IL1RAPL1: variants seen among roughly 807,000 people sequenced by gnomAD.
IL1RAPL1 encodes the protein interleukin 1 receptor accessory protein like 1, also known as interleukin-1 receptor accessory protein-like 1.
A neutral mutation model predicts 48.4 loss-of-function variants in IL1RAPL1; 3 were observed. The ratio of observed to expected loss-of-function variants is 0.06; its 90% confidence interval spans 0.03 to 0.16. The LOEUF (loss-of-function observed/expected upper bound fraction) is 0.16, where lower values mean the gene tolerates loss of function less well. Among genes scored for constraint, IL1RAPL1 ranks in the 10% least tolerant of loss-of-function variants. The probability of loss-of-function intolerance (pLI) is 1.00; values close to 1 mark genes in which losing one functional copy is unlikely to be tolerated. For missense variants in IL1RAPL1, 349 were observed against 530.6 expected (o/e 0.66, Z 3.36); for synonymous variants, 185 against 187.7 (o/e 0.99, Z 0.12).
intron 5 of IL1RAPL1, among the ~76,000 whole-genome samples, chrX:29,574,653 C>T (rs930125895): frequency 9.0e-6 from 1 of 111,493 alleles, no homozygotes. Flanking sequence ...CTTGAGTACT[C>T]CCCAGAAAAC....
At chrX:29,327,942 G>T (rs1006159489) in intron 3 of IL1RAPL1, among the ~76,000 whole-genome samples, 1 of 111,993 alleles carries the variant, frequency 8.9e-6, no homozygotes, top group Admixed American at 9.5e-5. Context: ...ATGAATGCTA[G>T]CTGTAGGCTA....
At chrX:29,088,983 G>A (rs1222518129) in intron 2 of IL1RAPL1, among the ~76,000 whole-genome samples, 2 of 111,441 alleles carry the variant, frequency 1.8e-5, no homozygotes, top group African/African-American at 6.5e-5. Flanking sequence ...AGAAAAAAAT[G>A]TTTCCTGGAG....
rs752258675 is a variant in IL1RAPL1, at chrX:28,947,503, T to G, written c.82+158078T>G. On this transcript the variant is annotated intron_variant, in intron 2 of 10. Coordinates refer to ENST00000378993, the MANE Select transcript of IL1RAPL1 (RefSeq NM_014271.4). ...TCACTCATAGGTGGGAATTGAACAA[T>G]GAGAACAGTTGGACACAGGAAGGGG... 1.7e-3 allele frequency among the ~76,000 whole-genome samples: 187 copies of G among 110,028 alleles called. 1 individual carries two copies. Among genetic ancestry groups the G allele is most frequent in the Middle Eastern group, 9.5e-3 (2 of 210 alleles).
intron 5 of IL1RAPL1, among the ~76,000 whole-genome samples, chrX:29,490,192 T>C (rs896720246): frequency 1.8e-5 from 2 of 110,366 alleles, no homozygotes; most frequent in Non-Finnish European, 3.8e-5. Flanking sequence ...ACATGGTCAA[T>C]ATATTAAAAT....
intron 1 of IL1RAPL1, among the ~76,000 whole-genome samples, chrX:28,780,355 G>GTC (rs1936409054): frequency 1.1e-5 from 1 of 92,213 alleles, no homozygotes. Flanking sequence ...GTGTGTGTGT[G>GTC]TGTGTGTGTG....
rs1329455728 is a variant in IL1RAPL1, at chrX:29,668,884, G to C, written c.778+380G>C. Among the ~76,000 whole-genome samples the C allele has an allele frequency of 9.0e-5, 10 of 110,799 alleles. No individual in the cohort carries two copies. In the South Asian group the frequency reaches 3.8e-3, roughly 42 times the overall value. Reference sequence around the variant, plus strand: ...GCAATTTCTGAAATTTAGGGGAAAGGGTTCAAATTTATTAAAATAAATGTC... The same window carrying C: ...GCAATTTCTGAAATTTAGGGGAAAGCGTTCAAATTTATTAAAATAAATGTC... On this transcript the variant is annotated intron_variant, in intron 6 of 10. Coordinates refer to ENST00000378993, the MANE Select transcript of IL1RAPL1 (RefSeq NM_014271.4).
chrX:28,994,342 T>C (rs923557788), intron 2 of IL1RAPL1, among the ~76,000 whole-genome samples: 1 of 111,552 alleles, frequency 9.0e-6, no homozygotes, highest in Admixed American at 9.6e-5. Context: ...TAGGAAGCTT[T>C]GTATGCTTAT....
In IL1RAPL1 at chrX:28,886,417, T is replaced by C. The variant is rs192012431; in HGVS notation, c.82+96992T>C. On this transcript the variant is annotated intron_variant, in intron 2 of 10. Coordinates refer to ENST00000378993, the MANE Select transcript of IL1RAPL1 (RefSeq NM_014271.4). ...AACCCTGTGTTCTTTGTGTAATTGA[T>C]GGAGGATTGGTCTGTAGAGAACAAC... 1.0e-4 allele frequency among the ~76,000 whole-genome samples: 11 copies of C among 109,565 alleles called. No homozygotes were observed. The East Asian group carries it at 2.9e-3, about 29-fold the overall frequency.
At chrX:29,373,935 TGGC>T (rs1224931273) in intron 3 of IL1RAPL1, among the ~76,000 whole-genome samples, 2 of 87,386 alleles carry the variant, frequency 2.3e-5, no homozygotes, top group African/African-American at 8.4e-5. Flanking sequence ...CTCAAACTCC[TGGC>T]CTCAGGCAGT....
chrX:29,413,186 G>A (rs999173849), intron 5 of IL1RAPL1, among the ~76,000 whole-genome samples: 21 of 111,096 alleles, frequency 1.9e-4, no homozygotes, highest in African/African-American at 6.9e-4. Context: ...GTAAGGCACC[G>A]CTTTGCTCTT....
intron 5 of IL1RAPL1, among the ~76,000 whole-genome samples, chrX:29,502,866 A>G (rs975788241): frequency 3.6e-5 from 4 of 111,729 alleles, no homozygotes; most frequent in Non-Finnish European, 7.5e-5. Context: ...GAAGAATGTA[A>G]ATAGAATTAG....
intron 6 of IL1RAPL1, among the ~76,000 whole-genome samples, chrX:29,911,672 C>A (rs898913423): frequency 8.9e-6 from 1 of 111,809 alleles, no homozygotes; most frequent in South Asian, 3.7e-4. Flanking sequence ...TAAATGAGTT[C>A]TTTGCGGAAT....
At chrX:29,309,682 G>A (rs1445239327) in intron 3 of IL1RAPL1, among the ~76,000 whole-genome samples, 1 of 110,034 alleles carries the variant, frequency 9.1e-6, no homozygotes, top group Non-Finnish European at 1.9e-5. Context: ...ACGTGGTGAC[G>A]GGCGCCTGTA....
chrX:29,241,467 T>C (rs1394915814), intron 2 of IL1RAPL1, among the ~76,000 whole-genome samples: 1 of 111,779 alleles, frequency 8.9e-6, no homozygotes, highest in African/African-American at 3.3e-5. Flanking sequence ...GCACAGCTTC[T>C]GTGATGTTAT....
intron 6 of IL1RAPL1, among the ~76,000 whole-genome samples, chrX:29,894,123 T>C (rs777456796): frequency 4.4e-5 from 5 of 112,666 alleles, no homozygotes; most frequent in South Asian, 7.3e-4. Flanking sequence ...TTACACAAAA[T>C]AGTTAATATA....
intron 1 of IL1RAPL1, among the ~76,000 whole-genome samples, chrX:28,741,668 G>T (rs1443648294): frequency 1.8e-5 from 2 of 111,604 alleles, no homozygotes; most frequent in Non-Finnish European, 3.8e-5. Flanking sequence ...TTTGTAACTT[G>T]TGATACAAAA....
intron 2 of IL1RAPL1, among the ~76,000 whole-genome samples, chrX:29,097,357 A>G (rs917284412): frequency 7.2e-5 from 8 of 111,837 alleles, no homozygotes; most frequent in African/African-American, 1.9e-4. Context: ...GGACTCTTGG[A>G]ACTCCAAGAA....
At chrX:29,363,482 T>C (rs1933403872) in intron 3 of IL1RAPL1, among the ~76,000 whole-genome samples, 1 of 111,692 alleles carries the variant, frequency 9.0e-6, no homozygotes, top group African/African-American at 3.3e-5. Context: ...CATAGATTAG[T>C]ATATGCCCAG....
intron 6 of IL1RAPL1, among the ~76,000 whole-genome samples, chrX:29,899,183 T>C (rs771493313): frequency 9.1e-6 from 1 of 110,418 alleles, no homozygotes; most frequent in Non-Finnish European, 1.9e-5. Flanking sequence ...GGAGTAAAGG[T>C]AACACCATGA....
Sources: allele counts gnomAD v4.1 joint callset (sites outside exome capture counted in the v4.1 genomes callset), GRCh38; gene constraint gnomAD v4.1.1; transcripts MANE v1.5; gene names NCBI Gene and HGNC (gene_info 2026-07-23, HGNC 2026-07-21).